The following TPTE2 variants were observed in gnomAD, a reference collection of about 807,000 sequenced individuals.
TPTE2 encodes transmembrane phosphoinositide 3-phosphatase and tensin homolog 2.
A neutral mutation model predicts 78.6 loss-of-function variants in TPTE2; 53 were observed. The observed-to-expected ratio is 0.67, with a 90% CI of 0.54 to 0.85. The LOEUF (loss-of-function observed/expected upper bound fraction) is 0.85, where lower values mean the gene tolerates loss of function less well. Among genes scored for constraint, TPTE2 ranks in the 40% least tolerant of loss-of-function variants. The probability of loss-of-function intolerance (pLI) is 0.00; values close to 1 mark genes in which losing one functional copy is unlikely to be tolerated. For synonymous variants in TPTE2, 175 were observed against 206.2 expected, an observed-to-expected ratio of 0.85 and a Z score of 1.30; for missense variants, 461 against 623.0, an observed-to-expected ratio of 0.74 and a Z score of 2.77.
At chr13:19,434,817 A>T (rs1224979412) in intron 15 of TPTE2, among the ~76,000 whole-genome samples, 1 of 152,202 alleles carries the variant, frequency 6.6e-6, no homozygotes, top group Non-Finnish European at 1.5e-5. Context: ...TTTCAGGGGC[A>T]ATATAGAAAA....
At chr13:19,505,339 A>G (rs987349171), upstream of TPTE2, among the ~76,000 whole-genome samples, 4 of 151,990 alleles carry the variant, frequency 2.6e-5, no homozygotes, top group African/African-American at 7.2e-5. Context: ...CAGAGTTTTG[A>G]CATGTTGGTC....
chr13:19,473,232 G>A (rs1325461076), intron 6 of TPTE2, among the ~76,000 whole-genome samples: 2 of 152,172 alleles, frequency 1.3e-5, no homozygotes, highest in African/African-American at 2.4e-5. Context: ...TTTGCTGAAG[G>A]CCCTGGGGCT....
intron 1 of TPTE2, among the ~76,000 whole-genome samples, chr13:19,522,101 T>C (rs983208606): frequency 1.3e-5 from 2 of 152,238 alleles, no homozygotes; most frequent in African/African-American, 2.4e-5. Context: ...TGTTGAAGGA[T>C]ATTTTTGCTA....
At position 19,502,601 on chromosome 13, in the gene TPTE2, G is replaced by C. The variant is rs1205573900; in HGVS notation, c.11+623C>G. ...CTCATAGGTGGGAATTGAACAATGA[G>C]ATCACATGGACACAGGAAGGGGAAT... On this transcript the variant is annotated intron_variant, in intron 1 of 19. Transcript: ENST00000400230. Among the ~76,000 whole-genome samples the C allele has an allele frequency of 2.1e-5, 3 of 142,570 alleles. No homozygotes were observed. The South Asian group carries it at 7.2e-4, about 34-fold the overall frequency. The allele number at this position is 142,570 out of a possible 152,430, so 93.5% of individuals were successfully genotyped here.
chr13:19,519,255 AG>A (rs1372230605), intron 1 of TPTE2, among the ~76,000 whole-genome samples: 1 of 152,180 alleles, frequency 6.6e-6, no homozygotes, highest in Non-Finnish European at 1.5e-5. Context: ...CTGCTGTATC[AG>A]GGCCTTGTCT....
intron 6 of TPTE2, among the ~76,000 whole-genome samples, chr13:19,471,070 C>T (rs191775855): frequency 0.01 from 1,565 of 151,992 alleles, 22 homozygotes; most frequent in African/African-American, 0.036. Flanking sequence ...CCACCACACC[C>T]TGCTAATTTT....
At chr13:19,472,540 T>C (rs557705897) in intron 6 of TPTE2, among the ~76,000 whole-genome samples, 4 of 152,344 alleles carry the variant, frequency 2.6e-5, no homozygotes, top group African/African-American at 9.6e-5. Context: ...GTTAAACTTA[T>C]CTAATAGAAT....
At chr13:19,435,494 G>A (rs1268269323) in intron 15 of TPTE2, among the ~76,000 whole-genome samples, 1 of 152,144 alleles carries the variant, frequency 6.6e-6, no homozygotes, top group East Asian at 1.9e-4. Flanking sequence ...CGGCTGAAAT[G>A]ACTGTTGCAG....
At chr13:19,500,915 C>A (rs80131730) in intron 1 of TPTE2, among the ~76,000 whole-genome samples, 1 of 144,050 alleles carries the variant, frequency 6.9e-6, no homozygotes, top group African/African-American at 2.6e-5. Flanking sequence ...TTGTCTCAGC[C>A]CAAAATCTCC....
At chr13:19,472,346 G>T (rs1475846731) in intron 6 of TPTE2, among the ~76,000 whole-genome samples, 1 of 152,032 alleles carries the variant, frequency 6.6e-6, no homozygotes, top group African/African-American at 2.4e-5. Flanking sequence ...ATGCATCATT[G>T]TTTTTTATTC....
At chr13:19,443,682 G>A (rs1566042268) in intron 13 of TPTE2, among the ~76,000 whole-genome samples, 2 of 151,502 alleles carry the variant, frequency 1.3e-5, no homozygotes, top group Non-Finnish European at 2.9e-5. Flanking sequence ...TGGGATTACA[G>A]GTGTAAGCCA....
At chr13:19,496,676 G>C (rs536831252) in intron 1 of TPTE2, among the ~76,000 whole-genome samples, 2 of 152,294 alleles carry the variant, frequency 1.3e-5, no homozygotes, top group South Asian at 2.1e-4. Context: ...CCTGCTCCTT[G>C]TCAGCTGCTA....
chr13:19,543,790 C>T, the TPTE2 span, among the ~76,000 whole-genome samples: 1 of 152,130 alleles, frequency 6.6e-6, no homozygotes, highest in East Asian at 1.9e-4. Flanking sequence ...AGGCCAGGCG[C>T]CATGGCTCAC....
intron 4 of TPTE2, among the ~76,000 whole-genome samples, chr13:19,476,733 C>A (rs1183580085): frequency 6.6e-6 from 1 of 152,046 alleles, no homozygotes; most frequent in Non-Finnish European, 1.5e-5. Flanking sequence ...GGCAAGGTTG[C>A]AGAGAAAAGG....
At chr13:19,532,923 A>G (rs573278177) in intron 1 of TPTE2, among the ~76,000 whole-genome samples, 1 of 152,320 alleles carries the variant, frequency 6.6e-6, no homozygotes, top group East Asian at 1.9e-4. Context: ...AAGCAGGAGG[A>G]GAAGGCTTTC....
chr13:19,503,206 C>T lies in TPTE2; in HGVS notation c.11+18G>A. The T allele has an allele frequency of 1.2e-6, 2 of 1,613,558 alleles. No homozygotes were observed. Among genetic ancestry groups the T allele is most frequent in the Middle Eastern group, 3.3e-4 (2 of 6,052 alleles). On this transcript the variant is annotated intron_variant, in intron 1 of 19. Transcript: ENST00000400230. ...AGTTATAATTAGATAAATAAAGACA[C>T]ATGTATGCATAACTCACCTTTCATT...
At chr13:19,491,881 T>C (rs1881011735) in intron 3 of TPTE2, among the ~76,000 whole-genome samples, 1 of 152,170 alleles carries the variant, frequency 6.6e-6, no homozygotes, top group African/African-American at 2.4e-5. Flanking sequence ...CAACGTCCTA[T>C]AAAATAAATT....
intron 14 of TPTE2, among the ~76,000 whole-genome samples, chr13:19,436,598 G>C (rs1361123717): frequency 6.6e-6 from 1 of 152,052 alleles, no homozygotes; most frequent in Non-Finnish European, 1.5e-5. Context: ...ATTTTTAGTA[G>C]AGATAGGGGT....
chr13:19,426,327 C>A (rs1370541666), intron 18 of TPTE2, 98 bp downstream of exon 21: 12 of 855,752 alleles, frequency 1.4e-5, no homozygotes, highest in Admixed American at 7.0e-5. Context: ...TTTCCTCCCC[C>A]TCCCCCTCCC....
Sources: allele counts gnomAD v4.1 joint callset (sites outside exome capture counted in the v4.1 genomes callset), GRCh38; gene constraint gnomAD v4.1.1; transcripts MANE v1.5; gene names NCBI Gene and HGNC (gene_info 2026-07-23, HGNC 2026-07-21).